The following TMCO6 variants were observed in gnomAD, a reference collection of about 807,000 sequenced individuals.
The protein encoded by TMCO6 is transmembrane and coiled-coil domains 6, also known as transmembrane and coiled-coil domain-containing protein 6.
A neutral mutation model predicts 61.8 loss-of-function variants in TMCO6; 47 were observed. The ratio of observed to expected loss-of-function variants is 0.76; its 90% CI spans 0.60 to 0.97. The LOEUF (loss-of-function observed/expected upper bound fraction) is 0.97. TMCO6 is among the 50% of genes least tolerant of loss of function. TMCO6 has a pLI of 0.00. For missense variants in TMCO6, 557 were observed against 601.6 expected (o/e 0.93, Z 0.78); for synonymous variants, 261 against 254.2 (o/e 1.03, Z -0.25).
the TMCO6 span, among the ~76,000 whole-genome samples, chr5:140,626,079 T>C: frequency 5.9e-5 from 9 of 152,314 alleles, no homozygotes; most frequent in South Asian, 2.1e-4. Context: ...CTCATGGCTA[T>C]TCATGGCTAC....
chr5:140,639,886 G>C, intron 2 of TMCO6, 35 bp downstream of exon 2: 13 of 1,550,208 alleles, frequency 8.4e-6, no homozygotes, highest in Non-Finnish European at 1.1e-5. Flanking sequence ...TGGAGTCCAC[G>C]CCCGCTGGCG....
chr5:140,612,261 G>A, the TMCO6 span, among the ~76,000 whole-genome samples: 19 of 151,352 alleles, frequency 1.3e-4, no homozygotes, highest in South Asian at 1.3e-3. Flanking sequence ...TCCATTTCCC[G>A]CTCCTTGCCT....
At chr5:140,623,357 C>A in the TMCO6 span, among the ~76,000 whole-genome samples, 10 of 152,084 alleles carry the variant, frequency 6.6e-5, no homozygotes, top group African/African-American at 1.4e-4. Context: ...AATTAAATAA[C>A]TGTCTTTGTT....
the TMCO6 span, among the ~76,000 whole-genome samples, chr5:140,596,860 C>T: frequency 6.6e-6 from 1 of 152,192 alleles, no homozygotes; most frequent in Non-Finnish European, 1.5e-5. Context: ...CAACATGAAT[C>T]CTAGGCTTCT....
the TMCO6 span, among the ~76,000 whole-genome samples, chr5:140,599,369 T>TA: frequency 2.0e-3 from 306 of 152,308 alleles, 1 homozygote; most frequent in African/African-American, 7.1e-3. Context: ...GGGGATCCCT[T>TA]TAAGAGGGCA....
the TMCO6 span, chr5:140,632,317 C>T: frequency 6.2e-7 from 1 of 1,614,022 alleles, no homozygotes. This position sits in a 1 kb window ranked among gnomAD's most constrained non-coding sequence, Gnocchi z 6.2. Context: ...TTCTGGATGG[C>T]CGGGAACTTG....
chr5:140,646,440 A>G (rs1159928294), downstream of TMCO6, among the ~76,000 whole-genome samples: 1 of 152,110 alleles, frequency 6.6e-6, no homozygotes, highest in Non-Finnish European at 1.5e-5. Flanking sequence ...TCCTTCTCCA[A>G]TTATTAGTGC....
At position 140,641,728 on chromosome 5, in the gene TMCO6, G is replaced by T. The variant is rs1204661449; in HGVS notation, c.262G>T (p.Val88Phe). 1.9e-6 allele frequency: 3 copies of T among 1,614,206 alleles called. No homozygotes were observed. Among genetic ancestry groups the T allele is most frequent in the Non-Finnish European group, 1.7e-6 (2 of 1,180,036 alleles). ...GGAAAAGGAGAGAGAGGGGGCTCTG[G>T]TCAGCCTTCGTCGAGGCTTGCAGCA... ...TEEKEREGAL[V>F]SLRRGLQHPE... Residue 88 changes from valine to phenylalanine, a missense_variant, in exon 3 of 12, where the codon GTC (valine) becomes TTC (phenylalanine). Coordinates refer to ENST00000394671, the MANE Select transcript of TMCO6 (RefSeq NM_018502.5).
Position 140,639,519 on chromosome 5 carries a change from T to A in TMCO6, c.-9T>A. 1 of 1,549,328 alleles carries A rather than the reference T, an allele frequency of 6.5e-7. No homozygotes were observed. The highest frequency in any genetic ancestry group is 8.7e-7 in the Non-Finnish European group (1 of 1,146,300). On this transcript the variant is annotated 5_prime_UTR_variant, in exon 1 of 12. Transcript: ENST00000394671. ...CTGTTTCCTTCGGCTTTCCTCCTCC[T>A]GCTCCACCATGTGGAGCCGACGGCA... is the stretch of plus-strand genomic sequence containing the variant.
At chr5:140,644,872 TC>T in intron 11 of TMCO6, 112 bp from the exon 12 acceptor site, 1 of 1,505,686 alleles carries the variant, frequency 6.6e-7, no homozygotes, top group South Asian at 1.2e-5. Flanking sequence ...GTCAGAAACT[TC>T]ATCCTCTTGT....
chr5:140,599,453 A>G, the TMCO6 span, among the ~76,000 whole-genome samples: 1 of 152,202 alleles, frequency 6.6e-6, no homozygotes, highest in Admixed American at 6.5e-5. Context: ...AAAAACCCAA[A>G]TGTAGTGGCA....
chr5:140,612,334 CTTTTTTTTTTT>C, the TMCO6 span, among the ~76,000 whole-genome samples: 17 of 112,240 alleles, frequency 1.5e-4, no homozygotes, highest in South Asian at 2.7e-4. Context: ...CTTGCCCAAT[CTTTTTTTTTTT>C]TTTTTTTTTT....
chr5:140,639,472 G>A lies in TMCO6; in HGVS notation c.-56G>A. The A allele has an allele frequency of 6.6e-7, 1 of 1,516,614 alleles. No individual in the cohort carries two copies. The highest frequency in any genetic ancestry group is 1.2e-5 in the South Asian group (1 of 82,732). 93.9% of individuals were successfully genotyped at this position (1,516,614 alleles called of 1,614,324 possible). ...CTGCGCAGTCGGTGCCATCTTCTAC[G>A]CCCCTGGGAGCGTTGTGGCTGCTGT... On this transcript the variant is annotated 5_prime_UTR_variant, in exon 1 of 12. Coordinates refer to ENST00000394671, the MANE Select transcript of TMCO6 (RefSeq NM_018502.5).
the TMCO6 span, chr5:140,633,356 G>C: frequency 1.8e-6 from 1 of 563,078 alleles, no homozygotes; most frequent in Non-Finnish European, 3.2e-6. Context: ...ATTCTGCAGG[G>C]CATCTAGGGT....
the TMCO6 span, among the ~76,000 whole-genome samples, chr5:140,604,321 G>T: frequency 6.6e-6 from 1 of 152,010 alleles, no homozygotes; most frequent in East Asian, 1.9e-4. Context: ...TTGAGCCCAG[G>T]AGGTAGAGGC....
downstream of TMCO6, chr5:140,647,218 C>A: frequency 6.6e-7 from 1 of 1,520,972 alleles, no homozygotes; most frequent in Admixed American, 2.2e-5. Context: ...CCCTTGTTCC[C>A]CTACCGGAGC....
the TMCO6 span, among the ~76,000 whole-genome samples, chr5:140,619,985 G>A: frequency 8.5e-5 from 13 of 152,278 alleles, 1 homozygote; most frequent in Admixed American, 3.3e-4. Context: ...CAGTTTGGCC[G>A]TTTCTTACAA....
At chr5:140,632,204 C>A in the TMCO6 span, 2 of 1,613,348 alleles carry the variant, frequency 1.2e-6, no homozygotes, top group Admixed American at 1.7e-5. This position sits in a 1 kb window ranked among gnomAD's most constrained non-coding sequence, Gnocchi z 6.2. Context: ...TGGCGCGCAG[C>A]GAGTTGTGGC....
Position 140,645,124 on chromosome 5 carries a change from C to T in TMCO6, c.*26C>T, listed in dbSNP as rs1757321339. The T allele has an allele frequency of 6.2e-7, 1 of 1,600,456 alleles. No homozygotes were observed. The highest frequency in any genetic ancestry group is 8.6e-7 in the Non-Finnish European group (1 of 1,168,046). The stretch of plus-strand genomic sequence containing the variant: ...TCTTGTTTCTCAATGTCACTCATTC[C>T]CCTCTCTCTTAACATCAAGCTTGTT... On this transcript the variant is annotated 3_prime_UTR_variant, in exon 12 of 12. Transcript: ENST00000394671.
Sources: gnomAD v4.1 joint callset for allele counts (sites outside exome capture counted in the v4.1 genomes callset) on GRCh38, gnomAD v4.1.1 for gene constraint, Gnocchi (gnomAD v3.1) non-coding constraint, MANE v1.5 for transcripts, NCBI Gene and HGNC (gene_info 2026-07-23, HGNC 2026-07-21) for gene names.